TARDBP: variants seen among roughly 807,000 people sequenced by gnomAD.
The protein encoded by TARDBP is TAR DNA-binding protein 43.
A neutral mutation model predicts 38.3 loss-of-function variants in TARDBP; 4 were observed. The ratio of observed to expected loss-of-function variants is 0.10; its 90% confidence interval spans 0.05 to 0.24. The LOEUF (loss-of-function observed/expected upper bound fraction) is 0.24. Ranked by LOEUF, TARDBP falls within the 10% of genes least tolerant of loss-of-function variation. The probability of loss-of-function intolerance (pLI) is 1.00; values close to 1 mark genes in which losing one functional copy is unlikely to be tolerated. For missense variants in TARDBP, 202 were observed against 521.9 expected (o/e 0.39, Z 5.97); for synonymous variants, 184 against 183.8 (o/e 1.00, Z -0.01).
In TARDBP at chr1:11,022,656, C is replaced by T; in HGVS notation, c.*2C>T. The T allele has an allele frequency of 1.2e-6, 2 of 1,608,846 alleles. No individual in the cohort carries two copies. The highest frequency in any genetic ancestry group is 1.7e-6 in the Non-Finnish European group (2 of 1,177,680). ...AAGTCTTCTGGCTGGGGAATGTAGA[C>T]AGTGGGGTTGTGGTTGGTTGGTATA... On this transcript the variant is annotated 3_prime_UTR_variant, in exon 6 of 6. Transcript: ENST00000240185. The surrounding 1 kb of genome is among the most constrained non-coding windows in gnomAD (Gnocchi z 4.5).
intron 1 of TARDBP, among the ~76,000 whole-genome samples, chr1:11,013,176 C>G (rs923750766): frequency 6.6e-6 from 1 of 152,200 alleles, no homozygotes; most frequent in African/African-American, 2.4e-5. Flanking sequence ...GGCTCGGGCT[C>G]GCAGAGCCCC....
At chr1:11,018,912 C>T in intron 4 of TARDBP, 39 bp downstream of exon 4, 1 of 1,613,690 alleles carries the variant, frequency 6.2e-7, no homozygotes, top group Non-Finnish European at 8.5e-7. Flanking sequence ...TGCCAACAAA[C>T]TTCCTTAGAG....
chr1:11,013,952 C>G lies in TARDBP; in HGVS notation c.225C>G (p.Val75=). 1.2e-6 allele frequency: 2 copies of G among 1,614,138 alleles called. No individual in the cohort carries two copies. Among genetic ancestry groups the G allele is most frequent in the Non-Finnish European group, 1.7e-6 (2 of 1,180,018 alleles). ...GCTGGGGAAATCTGGTGTATGTTGT[C>G]AACTATCCAAAAGGTTTGTTACCAT... ...DAGWGNLVYV[V]NYPKDNKRKM... Residue 75 remains valine (V), a synonymous_variant, in exon 2 of 6, where the codon GTC becomes GTG. Transcript: ENST00000240185.
At chr1:11,027,041 C>A, downstream of TARDBP, 2 of 1,594,930 alleles carry the variant, frequency 1.3e-6, no homozygotes, top group Non-Finnish European at 1.7e-6. Flanking sequence ...ACACCAGTGC[C>A]CCTCCGCTGT....
At chr1:11,026,519 G>C (rs1304910297), downstream of TARDBP, 1 of 165,628 alleles carries the variant, frequency 6.0e-6, no homozygotes, top group African/African-American at 2.4e-5. Context: ...AGCACTTACA[G>C]AGATCAATAA....
chr1:11,020,288 G>A, intron 4 of TARDBP, 141 bp from the exon 5 acceptor site: 1 of 955,516 alleles, frequency 1.0e-6, no homozygotes, highest in Non-Finnish European at 1.6e-6. Flanking sequence ...AAATGCTGAT[G>A]GAAAAAATTA....
rs1643693227 is a variant in TARDBP at position 11,024,445 on chromosome 1, T to G, written c.*1791T>G. The G allele has an allele frequency of 1.3e-5, 2 of 152,598 alleles. No individual in the cohort carries two copies. 9.5% of individuals were successfully genotyped at this position (152,598 alleles called of 1,614,324 possible). A position where few individuals can be genotyped will look rare whatever the true frequency, so the allele number is the denominator to read the frequency against. On this transcript the variant is annotated 3_prime_UTR_variant, in exon 6 of 6. Coordinates refer to ENST00000240185, the MANE Select transcript of TARDBP (RefSeq NM_007375.4). ...GGGAAGTCATGCCTTCTAAAAAGAT[T>G]CTTATTTGGGGGAGTGGGCAAAATG...
rs1643666312 is a variant in TARDBP at position 11,022,750 on chromosome 1, T to C, written c.*96T>C. ...TTGTAAAATACATATGTACTAAGAATTTTCAAAATTGGTTTGTTCAGTGTG... is the reference window on the plus strand; with the variant it reads ...TTGTAAAATACATATGTACTAAGAACTTTCAAAATTGGTTTGTTCAGTGTG... On this transcript the variant is annotated 3_prime_UTR_variant, in exon 6 of 6. Transcript: ENST00000240185. This position sits in a 1 kb window ranked among gnomAD's most constrained non-coding sequence, Gnocchi z 4.5. 2 of 1,499,124 alleles carry C rather than the reference T, an allele frequency of 1.3e-6. No homozygotes were observed. Among genetic ancestry groups the C allele is most frequent in the Non-Finnish European group, 1.8e-6 (2 of 1,125,842 alleles). 92.9% of individuals were successfully genotyped at this position (1,499,124 alleles called of 1,614,324 possible).
At chr1:11,026,490 G>A (rs1411726116), downstream of TARDBP, 2 of 157,324 alleles carry the variant, frequency 1.3e-5, no homozygotes, top group African/African-American at 2.4e-5. Flanking sequence ...TCCTCAATCA[G>A]TACTGCCATA....
chr1:11,014,654 T>C (rs929048241), intron 2 of TARDBP, among the ~76,000 whole-genome samples: 5 of 152,160 alleles, frequency 3.3e-5, no homozygotes, highest in Non-Finnish European at 7.4e-5. Flanking sequence ...AGGAAAACTT[T>C]AGGGCTAGGC....
downstream of TARDBP, chr1:11,026,925 TTAA>T: frequency 6.6e-7 from 1 of 1,506,328 alleles, no homozygotes; most frequent in Non-Finnish European, 8.9e-7. Flanking sequence ...GGGAATATAG[TTAA>T]TAACTTTTGT....
intron 2 of TARDBP, among the ~76,000 whole-genome samples, chr1:11,015,066 C>T (rs563275710): frequency 2.7e-5 from 4 of 150,734 alleles, no homozygotes; most frequent in South Asian, 4.2e-4. Context: ...GAGGTCGCGC[C>T]GCTACACTCC....
downstream of TARDBP, chr1:11,027,444 G>T (rs867839180): frequency 6.2e-7 from 1 of 1,614,044 alleles, no homozygotes; most frequent in African/African-American, 1.3e-5. Flanking sequence ...TCTTTTCAGG[G>T]TGCCCATTCG....
At chr1:11,026,975 G>A, downstream of TARDBP, 1 of 1,567,240 alleles carries the variant, frequency 6.4e-7, no homozygotes, top group Admixed American at 2.0e-5. Context: ...CACAATTCAT[G>A]GAACCCCAGG....
chr1:11,029,632 ATCT>A (rs374266859), downstream of TARDBP: 1 of 48,550 alleles, frequency 2.1e-5, no homozygotes, highest in African/African-American at 4.7e-5. Flanking sequence ...AATTTTTAAA[ATCT>A]TTTTTTTTTT....
intron 1 of TARDBP, among the ~76,000 whole-genome samples, chr1:11,012,990 C>T (rs1643439965): frequency 6.6e-6 from 1 of 152,246 alleles, no homozygotes; most frequent in Non-Finnish European, 1.5e-5. Context: ...TGGCCCCGGA[C>T]CCGGACAGTG....
At chr1:11,013,379 T>A (rs147313378) in intron 1 of TARDBP, among the ~76,000 whole-genome samples, 11 of 152,222 alleles carry the variant, frequency 7.2e-5, no homozygotes, top group African/African-American at 2.7e-4. Flanking sequence ...ACTAACCCGA[T>A]TGTCATAAAA....
rs1464055996 is a variant in TARDBP, at chr1:11,024,777, T to C, written c.*2123T>C. On this transcript the variant is annotated 3_prime_UTR_variant, in exon 6 of 6. Coordinates refer to ENST00000240185, the MANE Select transcript of TARDBP (RefSeq NM_007375.4). ...CACACTCTCACAATGCATTGTTAAGTATGTAAAAGCAATAACATTGATTCT... is the reference window on the plus strand; with the variant it reads ...CACACTCTCACAATGCATTGTTAAGCATGTAAAAGCAATAACATTGATTCT... 2.6e-5 allele frequency: 4 copies of C among 152,686 alleles called. No individual in the cohort carries two copies. In the Admixed American group the frequency reaches 2.6e-4, roughly 10 times the overall value. The allele number at this position is 152,686 out of a possible 1,614,324, so 9.5% of individuals were successfully genotyped here. A position where few individuals can be genotyped will look rare whatever the true frequency, so the allele number is the denominator to read the frequency against.
chr1:11,023,405 T>G lies in TARDBP; in HGVS notation c.*751T>G. On this transcript the variant is annotated 3_prime_UTR_variant, in exon 6 of 6. Coordinates refer to ENST00000240185, the MANE Select transcript of TARDBP (RefSeq NM_007375.4). The stretch of plus-strand genomic sequence containing the variant: ...ACGCTATGAACGCAAGGCTGTGATA[T>G]GGAACCAGAAGGCTGTCTGAACTTT... The G allele has an allele frequency of 1.2e-6, 1 of 816,262 alleles. No individual in the cohort carries two copies. Among genetic ancestry groups the G allele is most frequent in the Non-Finnish European group, 1.9e-6 (1 of 518,902 alleles). The allele number at this position is 816,262 out of a possible 1,614,324, so 50.6% of individuals were successfully genotyped here.
Sources: gnomAD v4.1 joint callset for allele counts (sites outside exome capture counted in the v4.1 genomes callset) on GRCh38, gnomAD v4.1.1 for gene constraint, Gnocchi (gnomAD v3.1) non-coding constraint, MANE v1.5 for transcripts, NCBI Gene and HGNC (gene_info 2026-07-23, HGNC 2026-07-21) for gene names.